The following KCTD2 variants were observed in gnomAD, a reference collection of about 807,000 sequenced individuals.
KCTD2 encodes potassium channel tetramerization domain containing 2.
KCTD2 carries 18 observed loss-of-function variants against 27.9 expected under a neutral mutation model. That is an observed-to-expected ratio of 0.64 (90% CI 0.45 to 0.96). The LOEUF (loss-of-function observed/expected upper bound fraction) is 0.96. Among genes scored for constraint, KCTD2 ranks in the 40% least tolerant of loss-of-function variants. The pLI is 0.00. For missense variants in KCTD2, 280 were observed against 348.0 expected (o/e 0.80, Z 1.56); for synonymous variants, 175 against 148.4 (o/e 1.18, Z -1.30).
chr17:75,040,438 T>G (rs1471916019), intron 3 of KCTD2: 7 of 435,776 alleles, frequency 1.6e-5, no homozygotes, highest in Non-Finnish European at 2.5e-5. Flanking sequence ...AAGCTTCATT[T>G]TCTTCATCTG....
chr17:75,049,877 A>T (rs925959275), intron 2 of KCTD2, among the ~76,000 whole-genome samples: 4 of 152,220 alleles, frequency 2.6e-5, no homozygotes, highest in African/African-American at 7.2e-5. Flanking sequence ...TTGGGACTAT[A>T]AGTGGGTCTA....
At chr17:75,051,047 C>G (rs1017644718) in intron 2 of KCTD2, among the ~76,000 whole-genome samples, 8 of 150,648 alleles carry the variant, frequency 5.3e-5, no homozygotes, top group African/African-American at 1.7e-4. Flanking sequence ...AATCTCGGCT[C>G]ACTGCAAGCT....
At chr17:75,040,240 C>G (rs924557829) in intron 3 of KCTD2, 1 of 1,563,658 alleles carries the variant, frequency 6.4e-7, no homozygotes, top group Non-Finnish European at 8.8e-7. Context: ...GCCAATACAC[C>G]CAGGAGCTCA....
At chr17:75,042,712 T>C (rs1349281509), upstream of KCTD2, 2 of 1,527,838 alleles carry the variant, frequency 1.3e-6, no homozygotes, top group South Asian at 1.2e-5. Flanking sequence ...GAATTTTCAG[T>C]TGGGAAAAAT....
chr17:75,049,418 A>G, intron 2 of KCTD2, 90 bp downstream of exon 2: 1 of 815,880 alleles, frequency 1.2e-6, no homozygotes, highest in Non-Finnish European at 2.0e-6. Flanking sequence ...TGACATTTTC[A>G]TCAGGCGCAT....
At position 75,064,308 on chromosome 17, in the gene KCTD2, G is replaced by GA. The variant is rs1478407973; in HGVS notation, c.*1262dup. The GA allele has an allele frequency of 3.3e-5, 5 of 152,296 alleles. No homozygotes were observed. Among genetic ancestry groups the GA allele is most frequent in the African/African-American group, 1.2e-4 (5 of 41,474 alleles). 9.4% of individuals were successfully genotyped at this position (152,296 alleles called of 1,614,324 possible). On this transcript the variant is annotated 3_prime_UTR_variant, in exon 6 of 6. Coordinates refer to ENST00000322444, the MANE Select transcript of KCTD2 (RefSeq NM_015353.3). ...CGCTGAGCAGTCATGGAATGCGGTA[G>GA]AGCCAGGGGACCCTGTCTGCCCCGA...
chr17:75,038,951 T>A, intron 3 of KCTD2: 2 of 1,613,700 alleles, frequency 1.2e-6, no homozygotes, highest in Non-Finnish European at 1.7e-6. Context: ...CTCAATTGGT[T>A]GGTGAGGCCA....
chr17:75,036,820 G>A (rs1291602944), intron 3 of KCTD2, among the ~76,000 whole-genome samples: 1 of 152,172 alleles, frequency 6.6e-6, no homozygotes, highest in East Asian at 1.9e-4. Context: ...CTTCTGTTAC[G>A]CACATTAAAG....
chr17:75,058,251 C>T (rs572062987), intron 3 of KCTD2, among the ~76,000 whole-genome samples: 48 of 151,164 alleles, frequency 3.2e-4, no homozygotes, highest in African/African-American at 9.0e-4. Flanking sequence ...CGCTTGAACT[C>T]GGGAGGCGGA....
Position 75,038,793 on chromosome 17 carries a change from G to A in KCTD2, c.-259+3436G>A, listed in dbSNP as rs924196880. 1.8e-4 allele frequency: 180 copies of A among 1,001,152 alleles called. 2 individuals are homozygous for A. In the Admixed American group the frequency reaches 3.8e-3, roughly 21 times the overall value. The allele number at this position is 1,001,152 out of a possible 1,614,324, so 62.0% of individuals were successfully genotyped here. A position where few individuals can be genotyped will look rare whatever the true frequency, so the allele number is the denominator to read the frequency against. Reference sequence around the variant, plus strand: ...ACCTTTCCATTTAAACAAAAACCCCGCTGCCAGTGAGGCCAGCTCAGAAGA... The same window carrying A: ...ACCTTTCCATTTAAACAAAAACCCCACTGCCAGTGAGGCCAGCTCAGAAGA... On this transcript the variant is annotated intron_variant, in intron 3 of 7. Coordinates refer to the KCTD2 transcript ENST00000581589.
chr17:75,050,406 C>T (rs1476790125), intron 2 of KCTD2, among the ~76,000 whole-genome samples: 2 of 152,088 alleles, frequency 1.3e-5, no homozygotes, highest in African/African-American at 4.8e-5. Context: ...GGATTACAGG[C>T]GTGCACCACC....
At chr17:75,058,791 G>A (rs1317185721) in intron 3 of KCTD2, among the ~76,000 whole-genome samples, 4 of 144,716 alleles carry the variant, frequency 2.8e-5, no homozygotes, top group Admixed American at 1.4e-4. Context: ...GAGTGAGACT[G>A]TGTCTTAAAA....
chr17:75,048,421 G>C (rs1372251077), intron 1 of KCTD2, among the ~76,000 whole-genome samples: 6 of 152,108 alleles, frequency 3.9e-5, no homozygotes, highest in Non-Finnish European at 8.8e-5. Flanking sequence ...CACTCAGCTG[G>C]TGACCTCAAA....
At chr17:75,034,428 C>G in intron 2 of KCTD2, among the ~76,000 whole-genome samples, 1 of 152,284 alleles carries the variant, frequency 6.6e-6, no homozygotes, top group South Asian at 2.1e-4. Context: ...CAGCCCCTCT[C>G]GACACCCCAG....
intron 3 of KCTD2, chr17:75,040,161 A>G: frequency 6.2e-7 from 1 of 1,611,560 alleles, no homozygotes; most frequent in Non-Finnish European, 8.5e-7. Context: ...TCAGCGCATT[A>G]AACTACAAAC....
chr17:75,042,122 C>G (rs1449811752), intron 3 of KCTD2: 2 of 1,454,424 alleles, frequency 1.4e-6, no homozygotes, highest in Non-Finnish European at 1.9e-6. Context: ...TATCCCTGTT[C>G]CTGCTCCCTA....
intron 3 of KCTD2, among the ~76,000 whole-genome samples, chr17:75,037,579 C>T (rs1027903523): frequency 7.2e-5 from 11 of 152,140 alleles, no homozygotes; most frequent in African/African-American, 2.7e-4. Flanking sequence ...GGGTTGTAGG[C>T]ATAACAGGTC....
At chr17:75,047,193 C>G, upstream of KCTD2, 1 of 517,568 alleles carries the variant, frequency 1.9e-6, no homozygotes, top group Non-Finnish European at 2.8e-6. Context: ...CTCTCCCTGC[C>G]GAGAAATGGG....
intron 3 of KCTD2, among the ~76,000 whole-genome samples, chr17:75,054,948 T>G (rs1024726092): frequency 6.6e-6 from 1 of 152,220 alleles, no homozygotes; most frequent in Admixed American, 6.5e-5. Flanking sequence ...CTACCTGTGT[T>G]GTAGCATAAT....
Sources: gnomAD v4.1 joint callset for allele counts (sites outside exome capture counted in the v4.1 genomes callset) on GRCh38, gnomAD v4.1.1 for gene constraint, MANE v1.5 for transcripts, NCBI Gene and HGNC (gene_info 2026-07-23, HGNC 2026-07-21) for gene names.